The following UBE2D1 variants were observed in gnomAD, a reference collection of about 807,000 sequenced individuals.
UBE2D1 encodes the protein ubiquitin-conjugating enzyme E2 D1.
Under a neutral mutation model 24.6 loss-of-function variants are expected in UBE2D1, and 9 were observed. The observed-to-expected ratio is 0.37, with a 90% CI of 0.22 to 0.64. UBE2D1 has a LOEUF of 0.64. Ranked by LOEUF, UBE2D1 falls within the 30% of genes least tolerant of loss-of-function variation. UBE2D1 has a pLI of 0.64. For missense variants in UBE2D1, 87 were observed against 177.1 expected, an observed-to-expected ratio of 0.49 and a Z score of 2.89; for synonymous variants, 57 against 57.6, an observed-to-expected ratio of 0.99 and a Z score of 0.04.
Position 58,369,096 on chromosome 10 carries a change from A to T in UBE2D1, c.*331A>T, listed in dbSNP as rs181991802. The T allele has an allele frequency of 6.8e-5, 12 of 175,994 alleles. No individual in the cohort carries two copies. In the Admixed American group the frequency reaches 6.9e-4, roughly 10 times the overall value. 10.9% of individuals were successfully genotyped at this position (175,994 alleles called of 1,614,324 possible). A position where few individuals can be genotyped will look rare whatever the true frequency, so the allele number is the denominator to read the frequency against. ...TTTTGCTGAAACTAGATGTTTTTAC[A>T]TGAGAAATACTGTATGTGTTGTCTA... On this transcript the variant is annotated 3_prime_UTR_variant, in exon 7 of 7. Transcript: ENST00000373910.
At chr10:58,367,074 C>T (rs1490686154) in intron 5 of UBE2D1, among the ~76,000 whole-genome samples, 3 of 152,086 alleles carry the variant, frequency 2.0e-5, no homozygotes, top group African/African-American at 7.2e-5. Flanking sequence ...ATAACACCCC[C>T]CCACCCTTTG....
chr10:58,368,672 A>C, intron 6 of UBE2D1, 48 bp from the exon 7 acceptor site: 1 of 1,355,492 alleles, frequency 7.4e-7, no homozygotes, highest in South Asian at 1.4e-5. Context: ...ATGCTTCTGA[A>C]ATATTAATTT....
At chr10:58,368,676 T>C (rs1419653131) in intron 6 of UBE2D1, 44 bp from the exon 7 acceptor site, 3 of 1,386,130 alleles carry the variant, frequency 2.2e-6, no homozygotes, top group Non-Finnish European at 3.0e-6. Context: ...TTCTGAAATA[T>C]TAATTTTGTA....
chr10:58,364,753 GTT>G lies in UBE2D1; in HGVS notation c.199-15_199-14del. ...TCAAAGGTGATTGTCATATTTTGTT[GTT>G]TTGTTTTATGTTTAGATTGCTTTCA... On this transcript the variant is annotated splice_polypyrimidine_tract_variant and intron_variant, in intron 4 of 6. Transcript: ENST00000373910. The G allele has an allele frequency of 1.3e-6, 2 of 1,583,408 alleles. No homozygotes were observed. Among genetic ancestry groups the G allele is most frequent in the Non-Finnish European group, 1.7e-6 (2 of 1,154,854 alleles).
At chr10:58,356,141 C>T (rs1158422457) in intron 1 of UBE2D1, among the ~76,000 whole-genome samples, 1 of 151,790 alleles carries the variant, frequency 6.6e-6, no homozygotes. Context: ...GCTTAAGAAC[C>T]TGAATAAAAA....
intron 1 of UBE2D1, 123 bp downstream of exon 1, chr10:58,335,348 C>T (rs555858589): frequency 2.7e-4 from 323 of 1,191,662 alleles, no homozygotes; most frequent in Non-Finnish European, 3.5e-4. Context: ...GGGGTGCGGG[C>T]AGGGAGCTGA....
rs151194935 is a variant in UBE2D1, at chr10:58,337,538, A to C, written c.24+2313A>C. 3.5e-4 allele frequency among the ~76,000 whole-genome samples: 53 copies of C among 152,248 alleles called. No individual in the cohort carries two copies. In the East Asian group the frequency reaches 9.7e-3, roughly 28 times the overall value. On this transcript the variant is annotated intron_variant, in intron 1 of 6. Transcript: ENST00000373910. The stretch of plus-strand genomic sequence containing the variant: ...TACTAACTTTTGGCCTTTCTTCTTA[A>C]GCTCACTGAAGTATTAATATAATTT...
rs567491784 is a variant in UBE2D1, at chr10:58,362,917, TAA to T, written c.121-689_121-688del. Among the ~76,000 whole-genome samples the T allele has an allele frequency of 2.5e-3, 383 of 152,220 alleles. 1 individual carries two copies. The highest frequency in any genetic ancestry group is 8.7e-3 in the African/African-American group (363 of 41,574). Reference sequence around the variant, plus strand: ...ATAGTTTGCTAGCATTTTCTTTTTTTAAAATTTTTTTGCTTGTAATGTTATAT... The same window carrying T: ...ATAGTTTGCTAGCATTTTCTTTTTTTAATTTTTTTGCTTGTAATGTTATAT... On this transcript the variant is annotated intron_variant, in intron 3 of 6. Transcript: ENST00000373910.
chr10:58,361,889 A>G (rs1177363597), intron 3 of UBE2D1, among the ~76,000 whole-genome samples: 1 of 151,864 alleles, frequency 6.6e-6, no homozygotes, highest in African/African-American at 2.4e-5. Context: ...AAATTAGTCT[A>G]ATGAAGCCAA....
intron 1 of UBE2D1, among the ~76,000 whole-genome samples, chr10:58,344,251 T>C (rs559905123): frequency 6.6e-6 from 1 of 152,320 alleles, no homozygotes; most frequent in South Asian, 2.1e-4. Flanking sequence ...ACTGGAGCAT[T>C]GTTTGCTTCA....
At chr10:58,356,985 A>G (rs1242422678) in intron 1 of UBE2D1, among the ~76,000 whole-genome samples, 1 of 152,158 alleles carries the variant, frequency 6.6e-6, no homozygotes, top group Non-Finnish European at 1.5e-5. Flanking sequence ...TGAAATCGTT[A>G]TTGGGAGGCT....
chr10:58,341,412 G>A (rs1168151900), intron 1 of UBE2D1, among the ~76,000 whole-genome samples: 1 of 152,088 alleles, frequency 6.6e-6, no homozygotes, highest in Non-Finnish European at 1.5e-5. Context: ...TCTCTAATAA[G>A]CCACGATGTA....
At chr10:58,338,009 G>A (rs73286380) in intron 1 of UBE2D1, among the ~76,000 whole-genome samples, 6,560 of 151,968 alleles carry the variant, frequency 0.043, 484 homozygotes, top group African/African-American at 0.15. Context: ...GCCATGCCCC[G>A]CTGATTTTTT....
intron 1 of UBE2D1, among the ~76,000 whole-genome samples, chr10:58,354,214 TTAAG>T (rs1840106846): frequency 6.6e-6 from 1 of 152,032 alleles, no homozygotes; most frequent in African/African-American, 2.4e-5. Context: ...CTCAAAGAGG[TTAAG>T]TAAATTGCCC....
intron 1 of UBE2D1, among the ~76,000 whole-genome samples, chr10:58,360,655 T>G (rs1564561645): frequency 6.6e-6 from 1 of 152,206 alleles, no homozygotes; most frequent in Non-Finnish European, 1.5e-5. Context: ...GTGCAGTGGC[T>G]CATGCCTGTA....
chr10:58,335,213 G>C lies in UBE2D1; in HGVS notation c.12G>C (p.Lys4Asn). Residue 4 changes from lysine (K) to asparagine (N), a missense_variant, in exon 1 of 7, where the codon AAG becomes AAC. Coordinates refer to ENST00000373910, the MANE Select transcript of UBE2D1 (RefSeq NM_003338.5). MAL[K>N]RIQKELSDLQ... is the part of the protein sequence containing the mutation. Reference sequence around the variant, plus strand: ...GCCATCCCTGACCCATGGCGCTGAAGAGGATTCAGAAAGTGAGTGCCGGGG... The same window carrying C: ...GCCATCCCTGACCCATGGCGCTGAACAGGATTCAGAAAGTGAGTGCCGGGG... The C allele has an allele frequency of 8.4e-6, 13 of 1,548,540 alleles. No individual in the cohort carries two copies. Among genetic ancestry groups the C allele is most frequent in the Non-Finnish European group, 1.1e-5 (13 of 1,149,780 alleles).
chr10:58,337,338 G>T (rs999618833), intron 1 of UBE2D1, among the ~76,000 whole-genome samples: 1 of 152,034 alleles, frequency 6.6e-6, no homozygotes, highest in Non-Finnish European at 1.5e-5. Context: ...AACCTTAGGG[G>T]TGATTATTTT....
chr10:58,342,326 T>TCC (rs1308134578), intron 1 of UBE2D1, among the ~76,000 whole-genome samples: 6 of 152,156 alleles, frequency 3.9e-5, no homozygotes, highest in Non-Finnish European at 8.8e-5. Context: ...ACACCACAGT[T>TCC]CTTATTTAGA....
In UBE2D1 at chr10:58,361,394, A is replaced by G; in HGVS notation, c.81A>G (p.Gly27=). The G allele has an allele frequency of 6.2e-7, 1 of 1,614,186 alleles. No homozygotes were observed. Among genetic ancestry groups the G allele is most frequent in the Non-Finnish European group, 8.5e-7 (1 of 1,180,032 alleles). ...PPAHCSAGPV[G]DDLFHWQATI... ...CTCACTGTTCAGCTGGACCTGTGGG[A>G]GATGACTGTAAGCCTTGCTCTATTT... Residue 27 remains glycine (G), a synonymous_variant, in exon 2 of 7, where the codon GGA becomes GGG. Transcript: ENST00000373910.
Sources: gnomAD v4.1 joint callset for allele counts (sites outside exome capture counted in the v4.1 genomes callset) on GRCh38, gnomAD v4.1.1 for gene constraint, MANE v1.5 for transcripts, NCBI Gene and HGNC (gene_info 2026-07-23, HGNC 2026-07-21) for gene names.